PODN: variants seen among roughly 807,000 people sequenced by gnomAD.
The protein encoded by PODN is podocan proteoglycan.
A neutral mutation model predicts 52.7 loss-of-function variants in PODN; 40 were observed. The observed-to-expected ratio is 0.76, with a 90% CI of 0.59 to 0.99. The LOEUF (loss-of-function observed/expected upper bound fraction) is 0.99. Among genes scored for constraint, PODN ranks in the 50% least tolerant of loss-of-function variants. The pLI is 0.00. For synonymous variants in PODN, 396 were observed against 377.9 expected, an observed-to-expected ratio of 1.05 and a Z score of -0.56; for missense variants, 720 against 815.1, an observed-to-expected ratio of 0.88 and a Z score of 1.42.
chr1:53,065,777 T>A (rs10437070), intron 1 of PODN, among the ~76,000 whole-genome samples: 37,308 of 152,072 alleles, frequency 0.25, 6,719 homozygotes, highest in African/African-American at 0.48. Context: ...ATCCCCCACC[T>A]GACAGTCTTG....
Position 53,070,051 on chromosome 1 carries a change from G to C in PODN, c.196G>C (p.Val66Leu). 2 of 1,613,040 alleles carry C rather than the reference G, an allele frequency of 1.2e-6. No homozygotes were observed. The highest frequency in any genetic ancestry group is 1.7e-6 in the Non-Finnish European group (2 of 1,179,976). Residue 66 changes from valine (V) to leucine (L), a missense_variant, in exon 2 of 11, where the codon GTC (valine) becomes CTC (leucine). Transcript: ENST00000312553. Reference protein sequence around the residue: ...PEEPGPGPAAVSCPRDCACSQ... With the variant: ...PEEPGPGPAALSCPRDCACSQ... ...GGAGCCCGGGCCTGGCCCAGCCGCG[G>C]TCAGCTGCCCCCGAGACTGTGCCTG... is the stretch of plus-strand genomic sequence containing the variant.
intron 1 of PODN, among the ~76,000 whole-genome samples, chr1:53,066,548 G>A (rs901319162): frequency 6.6e-6 from 1 of 152,118 alleles, no homozygotes; most frequent in Admixed American, 6.5e-5. Context: ...CTAATGGAGT[G>A]AACGGTGCAG....
chr1:53,063,361 G>A, intron 1 of PODN: 1 of 985,882 alleles, frequency 1.0e-6, no homozygotes, highest in Non-Finnish European at 1.2e-6. Context: ...TCGATTACCG[G>A]CTGGCCAGGG....
intron 4 of PODN, among the ~76,000 whole-genome samples, chr1:53,075,062 G>T (rs186977651): frequency 6.6e-6 from 1 of 152,242 alleles, no homozygotes; most frequent in South Asian, 2.1e-4. Context: ...AGGCACAAGG[G>T]TACTCATGTT....
Position 53,078,604 on chromosome 1 carries a change from A to G in PODN, c.1094A>G (p.His365Arg). The G allele has an allele frequency of 6.2e-7, 1 of 1,613,042 alleles. No individual in the cohort carries two copies. The highest frequency in any genetic ancestry group is 8.5e-7 in the Non-Finnish European group (1 of 1,180,008). ...GGCCTCAAGCGGTTGCACACGGTGC[A>G]CCTGTACAACAACGCGCTGGAGCGC... ...FQGLKRLHTV[H>R]LYNNALERVP... Residue 365 changes from histidine to arginine, a missense_variant, in exon 8 of 11, where the codon CAC becomes CGC. Coordinates refer to ENST00000312553, the MANE Select transcript of PODN (RefSeq NM_153703.5).
At position 53,073,129 on chromosome 1, in the gene PODN, C is replaced by T. The variant is rs143569350; in HGVS notation, c.407-1477C>T. 1.7e-3 allele frequency: 376 copies of T among 224,296 alleles called. 5 individuals carry two copies. In the East Asian group the frequency reaches 0.038, roughly 23 times the overall value. 13.9% of individuals were successfully genotyped at this position (224,296 alleles called of 1,614,324 possible). On this transcript the variant is annotated intron_variant, in intron 3 of 10. Transcript: ENST00000312553. Reference sequence around the variant, plus strand: ...CTCCTTCTAAGGCTTAGGATTTGCCCAGAATTCCTGATACCTGGACTAGCC... The same window carrying T: ...CTCCTTCTAAGGCTTAGGATTTGCCTAGAATTCCTGATACCTGGACTAGCC...
At chr1:53,066,959 T>C (rs896439118) in intron 1 of PODN, 55 of 1,298,198 alleles carry the variant, frequency 4.2e-5, no homozygotes, top group Non-Finnish European at 6.5e-6. Context: ...CCTGGGCCTG[T>C]GCCCACACTC....
rs371686044 is a variant in PODN at position 53,078,979 on chromosome 1, G to A, written c.1469G>A (p.Arg490Gln). 167 of 1,572,332 alleles carry A rather than the reference G, an allele frequency of 1.1e-4. No individual in the cohort carries two copies. The East Asian group carries it at 1.1e-3, about 10-fold the overall frequency. The change falls in exon 8 of 11, where the codon CGA becomes CAA. Residue 490 changes from arginine (R) to glutamine (Q), a missense_variant. Coordinates refer to ENST00000312553, the MANE Select transcript of PODN (RefSeq NM_153703.5). ...CTCACCAGCAACCGACTGCGCAGCC[G>A]AGCCCTGGGCCCCCGTGCCTGGGTG... ...LYLTSNRLRS[R>Q]ALGPRAWVDL...
At chr1:53,076,530 T>A (rs1644197557) in intron 5 of PODN, among the ~76,000 whole-genome samples, 1 of 152,192 alleles carries the variant, frequency 6.6e-6, no homozygotes, top group Admixed American at 6.5e-5. Flanking sequence ...TGACCCTTGT[T>A]CCTTGTCTTC....
Position 53,069,808 on chromosome 1 carries a change from C to T in PODN, c.-48C>T. On this transcript the variant is annotated 5_prime_UTR_variant, in exon 2 of 11. The change creates a premature stop within an existing upstream ORF in the 5' untranslated region. Coordinates refer to ENST00000312553, the MANE Select transcript of PODN (RefSeq NM_153703.5). ...GTCCACTGTACCTCACAGGTTCCGT[C>T]AGCCCTGGCGCCCAGGCGCATCTGA... The T allele has an allele frequency of 1.3e-6, 2 of 1,580,670 alleles. No homozygotes were observed. Among genetic ancestry groups the T allele is most frequent in the Non-Finnish European group, 1.7e-6 (2 of 1,164,320 alleles).
At position 53,078,821 on chromosome 1, in the gene PODN, G is replaced by A; in HGVS notation, c.1311G>A (p.Leu437=). ...TGCGCCTGCTGCGCTCGCTGGACCT[G>A]TCGGGCAACCGGCTGCACACGCTGC... ...RKLRLLRSLD[L]SGNRLHTLPP... Residue 437 remains leucine, a synonymous_variant, in exon 8 of 11, where the codon CTG becomes CTA. Coordinates refer to ENST00000312553, the MANE Select transcript of PODN (RefSeq NM_153703.5). 1 of 1,612,914 alleles carries A rather than the reference G, an allele frequency of 6.2e-7. No homozygotes were observed. The highest frequency in any genetic ancestry group is 8.5e-7 in the Non-Finnish European group (1 of 1,179,768).
At chr1:53,080,080 G>T (rs2150305674) in intron 8 of PODN, among the ~76,000 whole-genome samples, 1 of 152,094 alleles carries the variant, frequency 6.6e-6, no homozygotes, top group Middle Eastern at 3.4e-3. Flanking sequence ...GCACTGCCCA[G>T]TGGCTTCAGC....
chr1:53,062,957 G>A (rs1171574464), intron 1 of PODN, among the ~76,000 whole-genome samples: 3 of 152,230 alleles, frequency 2.0e-5, no homozygotes, highest in Non-Finnish European at 4.4e-5. Context: ...CTGTCTACGC[G>A]GCTGCTTCCC....
rs1409573835 is a variant in PODN at position 53,071,489 on chromosome 1, C to A, written c.313-46C>A. On this transcript the variant is annotated intron_variant, in intron 2 of 10. Transcript: ENST00000312553. ...GGTAGGGAATGGAGTCCAGGGCACA[C>A]CCCACTAGGCTGATGCTGCTTCCTT... 2.7e-6 allele frequency: 4 copies of A among 1,507,352 alleles called. No homozygotes were observed. In the South Asian group the frequency reaches 3.5e-5, roughly 13 times the overall value. 93.4% of individuals were successfully genotyped at this position (1,507,352 alleles called of 1,614,324 possible). A position where few individuals can be genotyped will look rare whatever the true frequency, so the allele number is the denominator to read the frequency against.
intron 8 of PODN, among the ~76,000 whole-genome samples, chr1:53,079,927 A>G (rs1475769699): frequency 6.6e-6 from 1 of 151,356 alleles, no homozygotes; most frequent in Non-Finnish European, 1.5e-5. Context: ...TAAGGAAGAT[A>G]GAGCTGGCAG....
intron 1 of PODN, 135 bp from the exon 2 acceptor site, chr1:53,069,666 G>A: frequency 7.7e-7 from 1 of 1,302,874 alleles, no homozygotes; most frequent in Non-Finnish European, 1.0e-6. Context: ...CCTGGTGGGG[G>A]TTGGGCAGGT....
At position 53,078,969 on chromosome 1, in the gene PODN, C is replaced by A; in HGVS notation, c.1459C>A (p.Leu487Met). 1.3e-6 allele frequency: 2 copies of A among 1,577,942 alleles called. No individual in the cohort carries two copies. Among genetic ancestry groups the A allele is most frequent in the African/African-American group, 1.3e-5 (1 of 74,172 alleles). ...LRELYLTSNR[L>M]RSRALGPRAW... The stretch of plus-strand genomic sequence containing the variant: ...TGAGCTGTACCTCACCAGCAACCGA[C>A]TGCGCAGCCGAGCCCTGGGCCCCCG... The change falls in exon 8 of 11, where the codon CTG (leucine) becomes ATG (methionine). Residue 487 changes from leucine to methionine, a missense_variant. By Grantham distance (15) the Leu-to-Met change is conservative. Coordinates refer to ENST00000312553, the MANE Select transcript of PODN (RefSeq NM_153703.5).
intron 4 of PODN, 128 bp from the exon 5 acceptor site, chr1:53,075,734 A>C: frequency 1.4e-6 from 1 of 729,438 alleles, no homozygotes; most frequent in Non-Finnish European, 2.4e-6. Flanking sequence ...GACAAGTTTC[A>C]ATTTGAGAAA....
intron 3 of PODN, among the ~76,000 whole-genome samples, chr1:53,072,384 A>G (rs1394812274): frequency 6.6e-6 from 1 of 152,232 alleles, no homozygotes; most frequent in Non-Finnish European, 1.5e-5. Context: ...TTAAACACAC[A>G]CGTAGATAGT....
Sources: allele counts gnomAD v4.1 joint callset (sites outside exome capture counted in the v4.1 genomes callset), GRCh38; gene constraint gnomAD v4.1.1; transcripts MANE v1.5; gene names NCBI Gene and HGNC (gene_info 2026-07-23, HGNC 2026-07-21).